The following CLEC1B variants were observed in gnomAD, a reference collection of about 807,000 sequenced individuals.
CLEC1B encodes C-type lectin-like receptor 2.
CLEC1B carries 26 observed loss-of-function variants against 26.7 expected under a neutral mutation model. That is an observed-to-expected ratio of 0.97 (90% confidence interval 0.71 to 1.35). CLEC1B has a LOEUF of 1.35. CLEC1B is among the 40% of genes most tolerant of loss of function. CLEC1B has a pLI of 0.00. For synonymous variants in CLEC1B, 112 were observed against 96.0 expected (o/e 1.17, Z -0.97); for missense variants, 293 against 282.6 (o/e 1.04, Z -0.26).
chr12:9,995,722 G>A, intron 4 of CLEC1B: 1 of 204,822 alleles, frequency 4.9e-6, no homozygotes, highest in Non-Finnish European at 1.0e-5. Context: ...ATTGGATAAA[G>A]GCATTTATGA....
intron 2 of CLEC1B, 85 bp downstream of exon 2, chr12:9,998,197 G>T: frequency 2.0e-6 from 2 of 991,458 alleles, no homozygotes; most frequent in South Asian, 2.6e-5. Context: ...GACAAATAGC[G>T]ACCATTGAGA....
At chr12:9,994,043 A>G (rs1277585064) in intron 5 of CLEC1B, among the ~76,000 whole-genome samples, 1 of 152,156 alleles carries the variant, frequency 6.6e-6, no homozygotes, top group Non-Finnish European at 1.5e-5. Flanking sequence ...GGTAAGAGTT[A>G]CAAAGAAACA....
At position 9,996,728 on chromosome 12, in the gene CLEC1B, T is replaced by G. The variant is rs746137645; in HGVS notation, c.438+118A>C. 11 of 1,005,166 alleles carry G rather than the reference T, an allele frequency of 1.1e-5. No individual in the cohort carries two copies. The African/African-American group carries it at 1.3e-4, about 12-fold the overall frequency. The allele number at this position is 1,005,166 out of a possible 1,614,324, so 62.3% of individuals were successfully genotyped here. A position where few individuals can be genotyped will look rare whatever the true frequency, so the allele number is the denominator to read the frequency against. ...TTCTTACTAGGTTTCACAAGGGTCTTAGATTAGTACAAACTGAAAGATGTT... is the reference window on the plus strand; with the variant it reads ...TTCTTACTAGGTTTCACAAGGGTCTGAGATTAGTACAAACTGAAAGATGTT... On this transcript the variant is annotated intron_variant, in intron 4 of 5. Coordinates refer to ENST00000298527, the MANE Select transcript of CLEC1B (RefSeq NM_016509.4).
chr12:9,996,952 T>A lies in CLEC1B; in HGVS notation c.332A>T (p.Asp111Val). 1 of 1,614,112 alleles carries A rather than the reference T, an allele frequency of 6.2e-7. No individual in the cohort carries two copies. The highest frequency in any genetic ancestry group is 1.3e-5 in the African/African-American group (1 of 75,024). ...GTGCCTGAAGAACCCATAGCAGCTA[T>A]CTCCATAATATCTCCAGTTTGTGTC... ...PCDTNWRYYG[D>V]SCYGFFRHNL... Residue 111 changes from aspartate to valine, a missense_variant, in exon 4 of 6, where the codon GAT (aspartate) becomes GTT (valine). By Grantham distance (152) the Asp-to-Val change is radical (BLOSUM62 -3). Transcript: ENST00000298527.
intron 2 of CLEC1B, among the ~76,000 whole-genome samples, chr12:9,998,055 C>A (rs1364118604): frequency 6.6e-6 from 1 of 152,132 alleles, no homozygotes; most frequent in Non-Finnish European, 1.5e-5. Context: ...GCCAGTAGTA[C>A]ATTCTTAAAA....
chr12:9,995,306 G>T, intron 4 of CLEC1B, 60 bp from the exon 5 acceptor site: 1 of 1,398,040 alleles, frequency 7.2e-7, no homozygotes. Flanking sequence ...TGGTATGATA[G>T]ACAAAGCTTC....
rs1865008888 is a variant in CLEC1B, at chr12:9,995,178, G to A, written c.507C>T (p.Val169=). ...VGLSRQKSNE[V]WKWEDGSVIS... is the part of the protein sequence containing the mutation. Reference sequence around the variant, plus strand: ...TAACCGAGCCATCCTCCCACTTCCAGACCTCATTCGACTTCTGGCGAGATA... The same window carrying A: ...TAACCGAGCCATCCTCCCACTTCCAAACCTCATTCGACTTCTGGCGAGATA... Residue 169 remains valine (V), a synonymous_variant, in exon 5 of 6, where the codon GTC becomes GTT. Transcript: ENST00000298527. The A allele has an allele frequency of 6.2e-7, 1 of 1,613,086 alleles. No homozygotes were observed. The highest frequency in any genetic ancestry group is 8.5e-7 in the Non-Finnish European group (1 of 1,179,204).
chr12:10,000,857 A>C (rs1865150210), upstream of CLEC1B, among the ~76,000 whole-genome samples: 1 of 152,176 alleles, frequency 6.6e-6, no homozygotes, highest in African/African-American at 2.4e-5. Context: ...CCTGTCTTTC[A>C]CGTTCTTTTG....
At chr12:9,995,454 A>T (rs917815283) in intron 4 of CLEC1B, 2 of 513,844 alleles carry the variant, frequency 3.9e-6, no homozygotes, top group Non-Finnish European at 7.2e-6. Flanking sequence ...GTAAAATTGT[A>T]CACAAAATAG....
intron 2 of CLEC1B, among the ~76,000 whole-genome samples, chr12:9,997,512 A>T (rs911875494): frequency 6.6e-6 from 1 of 152,218 alleles, no homozygotes; most frequent in Admixed American, 6.5e-5. Context: ...AGACAATCAC[A>T]AATAAAAAAT....
At chr12:9,995,049 C>T (rs769720285) in intron 5 of CLEC1B, 91 bp downstream of exon 5, 43 of 1,589,936 alleles carry the variant, frequency 2.7e-5, no homozygotes, top group Middle Eastern at 3.4e-4. Context: ...GCTTCTATAA[C>T]CCATAGTAGT....
intron 5 of CLEC1B, 174 bp from the exon 6 acceptor site, chr12:9,993,461 A>G (rs1465167530): frequency 1.6e-6 from 1 of 615,268 alleles, no homozygotes; most frequent in Admixed American, 2.9e-5. Context: ...TGGCAGTACA[A>G]GATATGCATA....
chr12:10,000,508 AC>A (rs1235041013), upstream of CLEC1B, among the ~76,000 whole-genome samples: 1 of 152,248 alleles, frequency 6.6e-6, no homozygotes, highest in Non-Finnish European at 1.5e-5. Context: ...TTAAAAAAAA[AC>A]ACATTTGAAA....
intron 4 of CLEC1B, among the ~76,000 whole-genome samples, chr12:9,995,988 A>T (rs1348396287): frequency 6.6e-6 from 1 of 152,158 alleles, no homozygotes; most frequent in Non-Finnish European, 1.5e-5. Flanking sequence ...TGAATCAATC[A>T]ATCTATGGGT....
At chr12:9,995,556 T>C (rs1279874347) in intron 4 of CLEC1B, 19 of 360,098 alleles carry the variant, frequency 5.3e-5, no homozygotes, top group Non-Finnish European at 1.0e-4. Context: ...CCAAATATGA[T>C]TCAAAGGAAT....
In CLEC1B at chr12:9,995,160, GC is replaced by G; in HGVS notation, c.524del (p.Gly175AlafsTer19). On this transcript the variant is annotated frameshift_variant, in exon 5 of 6. Coordinates refer to ENST00000298527, the MANE Select transcript of CLEC1B (RefSeq NM_016509.4). LOFTEE classifies it low-confidence loss of function (END_TRUNC). Reference protein sequence around the residue: ...KSNEVWKWEDGSVISENMFEF... With the variant: ...KSNEVWKWEDXSVISENMFEF... Reference sequence around the variant, plus strand: ...CTTACATATTTTCTGAGATAACCGAGCCATCCTCCCACTTCCAGACCTCATT... The same window carrying G: ...CTTACATATTTTCTGAGATAACCGAGCATCCTCCCACTTCCAGACCTCATT... The G allele has an allele frequency of 6.2e-7, 1 of 1,612,816 alleles. No homozygotes were observed. Among genetic ancestry groups the G allele is most frequent in the Non-Finnish European group, 8.5e-7 (1 of 1,179,012 alleles).
At chr12:9,995,268 A>T (rs770126978) in intron 4 of CLEC1B, 22 bp from the exon 5 acceptor site, 1 of 1,584,130 alleles carries the variant, frequency 6.3e-7, no homozygotes, top group Non-Finnish European at 8.7e-7. Context: ...ATAAATAAAC[A>T]CAATGGTCAG....
chr12:9,994,847 ACACT>A (rs1173168219), intron 5 of CLEC1B, among the ~76,000 whole-genome samples: 4 of 152,056 alleles, frequency 2.6e-5, no homozygotes, highest in South Asian at 2.1e-4. Flanking sequence ...ACACACACAC[ACACT>A]CACACATACA....
intron 5 of CLEC1B, 179 bp from the exon 6 acceptor site, chr12:9,993,466 T>C (rs771850351): frequency 4.9e-6 from 3 of 609,398 alleles, no homozygotes; most frequent in Admixed American, 2.9e-5. Context: ...GTACAAGATA[T>C]GCATATTTAA....
Sources: gnomAD v4.1 joint callset for allele counts (sites outside exome capture counted in the v4.1 genomes callset) on GRCh38, gnomAD v4.1.1 for gene constraint, MANE v1.5 for transcripts, NCBI Gene and HGNC (gene_info 2026-07-23, HGNC 2026-07-21) for gene names.